IGFBP2: variants seen among roughly 807,000 people sequenced by gnomAD.
IGFBP2 encodes the protein insulin like growth factor binding protein 2.
Under a neutral mutation model 26.2 loss-of-function variants are expected in IGFBP2, and 12 were observed. The observed-to-expected ratio is 0.46, with a 90% CI of 0.29 to 0.74. The LOEUF is 0.74. IGFBP2 is among the 30% of genes least tolerant of loss of function. The pLI, the probability that IGFBP2 is intolerant of heterozygous loss-of-function variation, is 0.09. For synonymous variants in IGFBP2, 189 were observed against 200.6 expected (o/e 0.94, Z 0.49); for missense variants, 328 against 441.2 (o/e 0.74, Z 2.30).
At chr2:216,663,816 C>T (rs1224954373) in intron 3 of IGFBP2, 124 bp from the exon 4 acceptor site, 13 of 977,598 alleles carry the variant, frequency 1.3e-5, no homozygotes, top group Admixed American at 5.8e-5. Flanking sequence ...TTTGAAGTTG[C>T]GAAGCTCCAC....
chr2:216,646,069 A>G (rs1444771072), intron 1 of IGFBP2, among the ~76,000 whole-genome samples: 2 of 152,198 alleles, frequency 1.3e-5, no homozygotes, highest in South Asian at 2.1e-4. Flanking sequence ...CTATTTAAAG[A>G]CACTTATTTA....
At chr2:216,651,925 C>A (rs994037646) in intron 1 of IGFBP2, among the ~76,000 whole-genome samples, 18 of 152,272 alleles carry the variant, frequency 1.2e-4, no homozygotes, top group African/African-American at 4.3e-4. Context: ...CCATGCCCAG[C>A]TAATTTTTGT....
chr2:216,647,365 C>G (rs1697730537), intron 1 of IGFBP2, among the ~76,000 whole-genome samples: 1 of 152,324 alleles, frequency 6.6e-6, no homozygotes, highest in East Asian at 1.9e-4. Context: ...CAGGAAGCTT[C>G]TGTCCTTAGG....
chr2:216,653,500 A>T (rs1195832640), intron 1 of IGFBP2, among the ~76,000 whole-genome samples: 1 of 152,246 alleles, frequency 6.6e-6, no homozygotes, highest in Non-Finnish European at 1.5e-5. Context: ...AGGGTGGGCC[A>T]AAAGACAATG....
At chr2:216,638,331 C>A (rs1356854926) in intron 1 of IGFBP2, among the ~76,000 whole-genome samples, 8 of 151,734 alleles carry the variant, frequency 5.3e-5, no homozygotes, top group African/African-American at 1.9e-4. Flanking sequence ...ATAGTGAAAC[C>A]CCATCTCTAC....
intron 1 of IGFBP2, among the ~76,000 whole-genome samples, chr2:216,639,345 C>T (rs1364640390): frequency 2.6e-5 from 4 of 151,906 alleles, no homozygotes; most frequent in East Asian, 1.9e-4. Context: ...CACAACTGTT[C>T]GATATTGATA....
At chr2:216,663,561 G>A (rs1574570363) in intron 3 of IGFBP2, 1 of 190,572 alleles carries the variant, frequency 5.2e-6, no homozygotes, top group Non-Finnish European at 1.1e-5. Context: ...GCAACATGAG[G>A]TTTTACACCT....
At chr2:216,651,283 C>T (rs908567297) in intron 1 of IGFBP2, among the ~76,000 whole-genome samples, 5 of 152,172 alleles carry the variant, frequency 3.3e-5, no homozygotes, top group African/African-American at 9.7e-5. Flanking sequence ...TGTTGGTGGG[C>T]TGTGCTATTG....
intron 1 of IGFBP2, among the ~76,000 whole-genome samples, chr2:216,651,754 C>G (rs1318490904): frequency 6.6e-6 from 1 of 152,186 alleles, no homozygotes; most frequent in Non-Finnish European, 1.5e-5. Context: ...ATTGATTGTT[C>G]ACACATTCCT....
chr2:216,663,397 C>T (rs1441714971), intron 3 of IGFBP2: 1 of 152,308 alleles, frequency 6.6e-6, no homozygotes, highest in Admixed American at 6.5e-5. Flanking sequence ...GTTGCTTAGC[C>T]CATCTGTGCT....
chr2:216,634,004 A>G, intron 1 of IGFBP2, 39 bp downstream of exon 1: 5 of 1,545,746 alleles, frequency 3.2e-6, no homozygotes, highest in Non-Finnish European at 4.4e-6. Context: ...AGAAACTTGG[A>G]GGGCAGCGGA....
At chr2:216,648,090 GTTCT>G (rs1390049096) in intron 1 of IGFBP2, among the ~76,000 whole-genome samples, 1 of 152,122 alleles carries the variant, frequency 6.6e-6, no homozygotes, top group Admixed American at 6.5e-5. Flanking sequence ...GATTTGTTTT[GTTCT>G]TTCTTATGAA....
chr2:216,656,974 G>C (rs1444608770), intron 1 of IGFBP2, among the ~76,000 whole-genome samples: 1 of 152,160 alleles, frequency 6.6e-6, no homozygotes, highest in African/African-American at 2.4e-5. Context: ...AGCTGGGTAG[G>C]GTGCGGTAAG....
At chr2:216,640,625 A>C (rs1391829541) in intron 1 of IGFBP2, among the ~76,000 whole-genome samples, 3 of 152,122 alleles carry the variant, frequency 2.0e-5, no homozygotes, top group Admixed American at 1.3e-4. Context: ...GCAGGTGTGG[A>C]CACTGGGTGA....
Position 216,660,827 on chromosome 2 carries a change from A to T in IGFBP2, c.672+41A>T, listed in dbSNP as rs753179856. 6.7e-6 allele frequency: 10 copies of T among 1,491,530 alleles called. 1 individual carries two copies. In the South Asian group the frequency reaches 1.2e-4, roughly 18 times the overall value. The allele number at this position is 1,491,530 out of a possible 1,614,324, so 92.4% of individuals were successfully genotyped here. A position where few individuals can be genotyped will look rare whatever the true frequency, so the allele number is the denominator to read the frequency against. ...GTCTGGTGGAAGGGGTGGGAGGACA[A>T]GGAAAGTGGGGTCTCAGCTGGAGGA... On this transcript the variant is annotated intron_variant, in intron 2 of 3. Transcript: ENST00000233809.
intron 1 of IGFBP2, among the ~76,000 whole-genome samples, chr2:216,648,702 G>A (rs764498339): frequency 5.6e-4 from 85 of 152,012 alleles, no homozygotes; most frequent in South Asian, 6.2e-4. Flanking sequence ...TTCGCCTCCC[G>A]GGTTCAAGCG....
At chr2:216,654,779 G>A (rs868425037) in intron 1 of IGFBP2, among the ~76,000 whole-genome samples, 3 of 152,290 alleles carry the variant, frequency 2.0e-5, no homozygotes, top group South Asian at 2.1e-4. Context: ...TGGCATGTTC[G>A]TTGGCACTGC....
chr2:216,648,344 C>A (rs1235751516), intron 1 of IGFBP2, among the ~76,000 whole-genome samples: 3 of 152,206 alleles, frequency 2.0e-5, no homozygotes, highest in Non-Finnish European at 4.4e-5. Context: ...TGACCCTCTT[C>A]TACTACCTTT....
In IGFBP2 at chr2:216,659,056, G is replaced by GA. The variant is rs151144877; in HGVS notation, c.443-1500dup. Among the ~76,000 whole-genome samples, 1,036 of 152,300 alleles carry GA rather than the reference G, an allele frequency of 6.8e-3. 10 individuals are homozygous for GA. Among genetic ancestry groups the GA allele is most frequent in the African/African-American group, 0.024 (985 of 41,574 alleles). ...CTTTAACCAGAGCTGCTACCCTGGG[G>GA]ACGGCGTGCTGGCTTCTAAAGGAAG... On this transcript the variant is annotated intron_variant, in intron 1 of 3. Transcript: ENST00000233809.
Sources: gnomAD v4.1 joint callset for allele counts (sites outside exome capture counted in the v4.1 genomes callset) on GRCh38, gnomAD v4.1.1 for gene constraint, MANE v1.5 for transcripts, NCBI Gene and HGNC (gene_info 2026-07-23, HGNC 2026-07-21) for gene names.